DNAH10: variants seen among roughly 807,000 people sequenced by gnomAD.
DNAH10 encodes the protein axonemal beta dynein heavy chain 10.
In DNAH10, 348 loss-of-function variants were observed where a neutral mutation model predicts 506.6. The ratio of observed to expected loss-of-function variants is 0.69; its 90% CI spans 0.63 to 0.75. The LOEUF is 0.75. Ranked by LOEUF, DNAH10 falls within the 30% of genes least tolerant of loss-of-function variation. DNAH10 has a pLI of 0.00. For missense variants in DNAH10, 5,179 were observed against 5,787.1 expected (o/e 0.89, Z 3.41); for synonymous variants, 2,059 against 2,198.6 (o/e 0.94, Z 1.78).
At chr12:123,889,221 C>G (rs189622215) in intron 52 of DNAH10, among the ~76,000 whole-genome samples, 3 of 152,338 alleles carry the variant, frequency 2.0e-5, no homozygotes, top group South Asian at 2.1e-4. Flanking sequence ...CTGCTCTCCC[C>G]GCTAAATGCT....
chr12:123,890,740 A>G (rs1435253044), intron 52 of DNAH10, among the ~76,000 whole-genome samples: 2 of 152,110 alleles, frequency 1.3e-5, no homozygotes, highest in Non-Finnish European at 2.9e-5. Flanking sequence ...GGGGACAGAG[A>G]GAAGTGGGTG....
intron 44 of DNAH10, 70 bp from the exon 45 acceptor site, chr12:123,871,387 C>A: frequency 6.5e-7 from 1 of 1,532,790 alleles, no homozygotes; most frequent in South Asian, 1.2e-5. Flanking sequence ...TCTAGGACAA[C>A]TCCATGTTGC....
At chr12:123,884,980 C>G (rs953582113) in intron 51 of DNAH10, among the ~76,000 whole-genome samples, 1 of 152,172 alleles carries the variant, frequency 6.6e-6, no homozygotes, top group Admixed American at 6.5e-5. Flanking sequence ...ATAATGTACA[C>G]TTTTCAACTT....
intron 50 of DNAH10, among the ~76,000 whole-genome samples, chr12:123,881,103 A>G (rs980551076): frequency 6.6e-6 from 1 of 152,128 alleles, no homozygotes; most frequent in Non-Finnish European, 1.5e-5. Context: ...TAGTGCCGCA[A>G]TAAACATACG....
intron 15 of DNAH10, 65 bp from the exon 16 acceptor site, chr12:123,801,216 C>G: frequency 6.6e-7 from 1 of 1,505,288 alleles, no homozygotes; most frequent in East Asian, 2.3e-5. Context: ...ATCTCTTGAC[C>G]GCAAAAGCTT....
intron 45 of DNAH10, 47 bp downstream of exon 45, chr12:123,871,649 T>C: frequency 6.5e-7 from 1 of 1,532,498 alleles, no homozygotes; most frequent in Non-Finnish European, 8.8e-7. Context: ...TAACAAATTA[T>C]TCCAGTGCAT....
chr12:123,879,321 C>T lies in DNAH10; in HGVS notation c.8430C>T (p.Phe2810=), dbSNP rs768861789. ...RVWRNECLRV[F]HDRLISETDK... Reference sequence around the variant, plus strand: ...GGAGGAATGAGTGTCTGAGAGTCTTCCACGACCGGCTGATCAGTGAAACAG... The same window carrying T: ...GGAGGAATGAGTGTCTGAGAGTCTTTCACGACCGGCTGATCAGTGAAACAG... The change falls in exon 49 of 79, where the codon TTC becomes TTT. Residue 2810 remains phenylalanine (F), a synonymous_variant. Coordinates refer to ENST00000673944, the MANE Select transcript of DNAH10 (RefSeq NM_001372106.1). 1 of 1,576,768 alleles carries T rather than the reference C, an allele frequency of 6.3e-7. No homozygotes were observed. The highest frequency in any genetic ancestry group is 1.8e-5 in the Admixed American group (1 of 54,452).
Position 123,857,274 on chromosome 12 carries a change from T to TG in DNAH10, c.6630+29dup, listed in dbSNP as rs775732660. The TG allele has an allele frequency of 6.0e-6, 9 of 1,508,356 alleles. No individual in the cohort carries two copies. The Admixed American group carries it at 8.5e-5, about 14-fold the overall frequency. 93.4% of individuals were successfully genotyped at this position (1,508,356 alleles called of 1,614,324 possible). On this transcript the variant is annotated intron_variant, in intron 37 of 78. Transcript: ENST00000673944. The stretch of plus-strand genomic sequence containing the variant: ...TAAAGCCAGGAAAATGACCTCACTG[T>TG]GGCCGTGCATCCTTTCCATTGGCTT...
rs140334728 is a variant in DNAH10 at position 123,823,706 on chromosome 12, G to A, written c.4179+2948G>A. Among the ~76,000 whole-genome samples, 165 of 152,210 alleles carry A rather than the reference G, an allele frequency of 1.1e-3. 1 individual carries two copies. The highest frequency in any genetic ancestry group is 3.1e-3 in the African/African-American group (129 of 41,530). ...ATGCAATGTGTAATAATCACATCAC[G>A]GGGAATGGGATGTCCATCCCCTCAA... is the stretch of plus-strand genomic sequence containing the variant. On this transcript the variant is annotated intron_variant, in intron 24 of 78. Coordinates refer to ENST00000673944, the MANE Select transcript of DNAH10 (RefSeq NM_001372106.1).
intron 53 of DNAH10, among the ~76,000 whole-genome samples, chr12:123,894,124 T>C (rs748519024): frequency 1.5e-5 from 2 of 132,106 alleles, no homozygotes; most frequent in Non-Finnish European, 1.5e-5. Context: ...AGAATCTCGC[T>C]CTGTCGCCCA....
In DNAH10 at chr12:123,877,879, T is replaced by C; in HGVS notation, c.8343T>C (p.Phe2781=). Residue 2781 remains phenylalanine (F), a synonymous_variant, in exon 48 of 79, where the codon TTT becomes TTC. Transcript: ENST00000673944. The part of the protein sequence containing the change: ...IFNLRDLSRV[F]NGLVLTNPER... Reference sequence around the variant, plus strand: ...ACCTTCGAGATCTCTCACGGGTTTTTAATGGTCTTGTCCTCACTAACCCGG... The same window carrying C: ...ACCTTCGAGATCTCTCACGGGTTTTCAATGGTCTTGTCCTCACTAACCCGG... 6.2e-7 allele frequency: 1 copy of C among 1,614,070 alleles called. No homozygotes were observed. The highest frequency in any genetic ancestry group is 8.5e-7 in the Non-Finnish European group (1 of 1,179,902).
chr12:123,814,772 A>G (rs369450132), intron 21 of DNAH10, among the ~76,000 whole-genome samples: 1 of 151,120 alleles, frequency 6.6e-6, no homozygotes, highest in Non-Finnish European at 1.5e-5. Context: ...CCGCCACCAC[A>G]CCCGGCTAAT....
At chr12:123,781,331 GAA>G in intron 6 of DNAH10, 32 bp downstream of exon 6, 1 of 1,581,360 alleles carries the variant, frequency 6.3e-7, no homozygotes, top group East Asian at 2.2e-5. Flanking sequence ...TTTTAGTTAA[GAA>G]TGATTAATTT....
chr12:123,803,579 A>G, intron 16 of DNAH10, 82 bp from the exon 17 acceptor site: 3 of 1,335,036 alleles, frequency 2.2e-6, no homozygotes, highest in Non-Finnish European at 3.0e-6. Context: ...GGATGCCAGT[A>G]TTAACATCAC....
rs147580081 is a variant in DNAH10, at chr12:123,819,569, A to G, written c.4000+319A>G. Among the ~76,000 whole-genome samples, 186 of 152,182 alleles carry G rather than the reference A, an allele frequency of 1.2e-3. 1 individual carries two copies. Among genetic ancestry groups the G allele is most frequent in the African/African-American group, 3.5e-3 (144 of 41,518 alleles). ...TTAAACACCAGCGACTGCCTTTACA[A>G]AGGCAGCGTCTTATCCATCCATCTG... On this transcript the variant is annotated intron_variant, in intron 23 of 78. Coordinates refer to ENST00000673944, the MANE Select transcript of DNAH10 (RefSeq NM_001372106.1).
chr12:123,901,422 T>C (rs1270183648), intron 56 of DNAH10, among the ~76,000 whole-genome samples: 1 of 152,240 alleles, frequency 6.6e-6, no homozygotes, highest in African/African-American at 2.4e-5. Flanking sequence ...AAGTAGTGCC[T>C]GGGCTGGGGA....
chr12:123,896,111 TCACACACACACACACACACA>T (rs112187635), intron 54 of DNAH10, among the ~76,000 whole-genome samples: 24 of 48,900 alleles, frequency 4.9e-4, no homozygotes, highest in African/African-American at 1.4e-3. Flanking sequence ...AGACTTTATC[TCACACACACACACACACACA>T]CACACACACA....
intron 29 of DNAH10, 46 bp from the exon 30 acceptor site, chr12:123,841,276 C>A (rs77776682): frequency 2.5e-6 from 4 of 1,599,656 alleles, no homozygotes; most frequent in Admixed American, 3.3e-5. Flanking sequence ...TCTTTGATTC[C>A]AGAACTCCGT....
intron 42 of DNAH10, 99 bp downstream of exon 42, chr12:123,867,700 C>T: frequency 2.0e-6 from 3 of 1,534,166 alleles, no homozygotes; most frequent in African/African-American, 1.4e-5. Context: ...ACAGGGTGAA[C>T]AGTAGCATTG....
Sources: gnomAD v4.1 joint callset for allele counts (sites outside exome capture counted in the v4.1 genomes callset) on GRCh38, gnomAD v4.1.1 for gene constraint, MANE v1.5 for transcripts, NCBI Gene and HGNC (gene_info 2026-07-23, HGNC 2026-07-21) for gene names.